The following COX6C variants were observed in gnomAD, a reference collection of about 807,000 sequenced individuals.
COX6C encodes the protein cytochrome c oxidase subunit 6C.
COX6C carries 3 observed loss-of-function variants against 6.9 expected under a neutral mutation model. That is an observed-to-expected ratio of 0.43 (90% CI 0.20 to 1.12). COX6C has a LOEUF of 1.12. Among genes scored for constraint, COX6C ranks in the 50% most tolerant of loss-of-function variants. The pLI is 0.27. For synonymous variants in COX6C, 32 were observed against 32.0 expected (o/e 1.00, Z 0.00); for missense variants, 101 against 97.3 (o/e 1.04, Z -0.16).
In COX6C at chr8:99,891,979, GA is replaced by G; in HGVS notation, c.42del (p.Leu15TrpfsTer11). The G allele has an allele frequency of 4.3e-6, 7 of 1,613,820 alleles. No homozygotes were observed. Among genetic ancestry groups the G allele is most frequent in the Non-Finnish European group, 5.9e-6 (7 of 1,179,960 alleles). ...ATATGATTTCGCAGACGCCTGGCCAGAAGGCCACGCATCCGAGGTTTTGGCA... is the reference window on the plus strand; with the variant it reads ...ATATGATTTCGCAGACGCCTGGCCAGAGGCCACGCATCCGAGGTTTTGGCA... ...EVLPKPRMRG[L>X]LARRLRNHMA... On this transcript the variant is annotated frameshift_variant, in exon 2 of 4. Transcript: ENST00000520468. LOFTEE classifies it high-confidence loss of function.
At chr8:99,888,157 C>T (rs1817972949) in intron 2 of COX6C, among the ~76,000 whole-genome samples, 1 of 151,582 alleles carries the variant, frequency 6.6e-6, no homozygotes, top group African/African-American at 2.4e-5. Flanking sequence ...GATGGGGTCT[C>T]CCTCTGCAGA....
intron 3 of COX6C, among the ~76,000 whole-genome samples, chr8:99,886,869 A>G (rs1817949183): frequency 6.6e-6 from 1 of 152,150 alleles, no homozygotes; most frequent in South Asian, 2.1e-4. Context: ...TGCTTAATGG[A>G]TATAGGGTTT....
intron 1 of COX6C, among the ~76,000 whole-genome samples, chr8:99,892,673 C>A (rs1225848910): frequency 6.6e-6 from 1 of 151,804 alleles, no homozygotes; most frequent in East Asian, 1.9e-4. Context: ...TAGCCTGTTT[C>A]ATCTTCCCCC....
At chr8:99,882,587 C>T (rs1205105154) in intron 3 of COX6C, among the ~76,000 whole-genome samples, 1 of 151,878 alleles carries the variant, frequency 6.6e-6, no homozygotes, top group African/African-American at 2.4e-5. Flanking sequence ...AAAATGACTA[C>T]AATAGAGAAA....
At chr8:99,880,538 GA>G (rs1817846251) in intron 3 of COX6C, among the ~76,000 whole-genome samples, 1 of 152,058 alleles carries the variant, frequency 6.6e-6, no homozygotes. Flanking sequence ...TCAGGCAGAG[GA>G]AAGAATCAGG....
intron 3 of COX6C, among the ~76,000 whole-genome samples, chr8:99,884,202 T>C (rs1402759205): frequency 6.6e-6 from 1 of 152,180 alleles, no homozygotes; most frequent in Non-Finnish European, 1.5e-5. Context: ...AAACTATCTG[T>C]TTACAGATCA....
intron 3 of COX6C, among the ~76,000 whole-genome samples, chr8:99,884,512 T>A (rs1408201114): frequency 6.6e-6 from 1 of 152,132 alleles, no homozygotes; most frequent in Non-Finnish European, 1.5e-5. Flanking sequence ...GCAATCCCCA[T>A]GGTAACCACA....
At chr8:99,892,532 T>C (rs1214767493) in intron 1 of COX6C, among the ~76,000 whole-genome samples, 1 of 151,876 alleles carries the variant, frequency 6.6e-6, no homozygotes, top group Non-Finnish European at 1.5e-5. Context: ...CTTTCTCGGG[T>C]AAAATAATAA....
chr8:99,885,090 A>G (rs1817926351), intron 3 of COX6C, among the ~76,000 whole-genome samples: 1 of 152,220 alleles, frequency 6.6e-6, no homozygotes, highest in South Asian at 2.1e-4. Flanking sequence ...ACACTTACTG[A>G]TTTTAAAGCA....
At chr8:99,879,363 C>T (rs796540113) in intron 3 of COX6C, among the ~76,000 whole-genome samples, 1 of 147,126 alleles carries the variant, frequency 6.8e-6, no homozygotes, top group African/African-American at 2.7e-5. Flanking sequence ...GTCCCAAATA[C>T]TTTTTTTTAA....
intron 2 of COX6C, 63 bp from the exon 3 acceptor site, chr8:99,887,681 T>G: frequency 8.8e-7 from 1 of 1,130,832 alleles, no homozygotes; most frequent in Non-Finnish European, 1.3e-6. Context: ...TTCCAGATTA[T>G]AATATATAAA....
intron 2 of COX6C, among the ~76,000 whole-genome samples, chr8:99,889,441 A>T (rs1331998490): frequency 3.4e-5 from 5 of 148,970 alleles, no homozygotes; most frequent in African/African-American, 7.4e-5. Flanking sequence ...GCTGGAGTGT[A>T]ATGGTGCGAA....
In COX6C at chr8:99,887,538, C is replaced by A. The variant is rs774540265; in HGVS notation, c.195G>T (p.Met65Ile). The A allele has an allele frequency of 3.7e-6, 6 of 1,608,760 alleles. No homozygotes were observed. The highest frequency in any genetic ancestry group is 5.1e-6 in the Non-Finnish European group (6 of 1,178,070). ...NYDVMKDFEE[M>I]RKAGIFQSVK ...CACTCTGAAAGATACCAGCCTTCCTCATCTCCTCAAAATCTTTCATGACAT... is the reference window on the plus strand; with the variant it reads ...CACTCTGAAAGATACCAGCCTTCCTAATCTCCTCAAAATCTTTCATGACAT... The change falls in exon 3 of 4, where the codon ATG (methionine) becomes ATT (isoleucine). Residue 65 changes from methionine (M) to isoleucine (I), a missense_variant. Coordinates refer to ENST00000520468, the MANE Select transcript of COX6C (RefSeq NM_004374.4).
rs1256166952 is a variant in COX6C at position 99,879,034 on chromosome 8, T to G, written c.*16-769A>C. Among the ~76,000 whole-genome samples the G allele has an allele frequency of 2.0e-5, 3 of 152,244 alleles. No individual in the cohort carries two copies. The East Asian group carries it at 5.8e-4, about 29-fold the overall frequency. ...AACACTGCCTGACAAAATAGCAGTT[T>G]CACATTCTCTGTGTCACAGCAAACT... On this transcript the variant is annotated intron_variant, in intron 3 of 3. Coordinates refer to ENST00000520468, the MANE Select transcript of COX6C (RefSeq NM_004374.4).
chr8:99,879,363 CT>C (rs869285636), intron 3 of COX6C, among the ~76,000 whole-genome samples: 7 of 147,126 alleles, frequency 4.8e-5, no homozygotes, highest in Non-Finnish European at 7.4e-5. Flanking sequence ...GTCCCAAATA[CT>C]TTTTTTTAAA....
At chr8:99,880,651 G>A (rs72676270) in intron 3 of COX6C, among the ~76,000 whole-genome samples, 13,339 of 151,866 alleles carry the variant, frequency 0.088, 772 homozygotes, top group Non-Finnish European at 0.13. Context: ...AGGATCACCT[G>A]AGCCTAGGAG....
chr8:99,887,196 A>G (rs1817955387), intron 3 of COX6C: 1 of 182,612 alleles, frequency 5.5e-6, no homozygotes, highest in African/African-American at 2.3e-5. Flanking sequence ...AACACTGAGT[A>G]TCTCACACAA....
chr8:99,892,031 T>C lies in COX6C; in HGVS notation c.-10A>G. Reference sequence around the variant, plus strand: ...AAACTTCGGGAGCCATGGTAGTTACTGTCCTTGATACGTATGCTAACCTTA... The same window carrying C: ...AAACTTCGGGAGCCATGGTAGTTACCGTCCTTGATACGTATGCTAACCTTA... On this transcript the variant is annotated 5_prime_UTR_variant, in exon 2 of 4. Transcript: ENST00000520468. The C allele has an allele frequency of 6.3e-7, 1 of 1,597,698 alleles. No individual in the cohort carries two copies.
chr8:99,888,398 C>A (rs183750042), intron 2 of COX6C, among the ~76,000 whole-genome samples: 1 of 151,876 alleles, frequency 6.6e-6, no homozygotes, highest in Non-Finnish European at 1.5e-5. Flanking sequence ...TGATGAAACC[C>A]CATCTCTACT....
Sources: gnomAD v4.1 joint callset for allele counts (sites outside exome capture counted in the v4.1 genomes callset) on GRCh38, gnomAD v4.1.1 for gene constraint, MANE v1.5 for transcripts, NCBI Gene and HGNC (gene_info 2026-07-23, HGNC 2026-07-21) for gene names.